PPP6R3: variants seen among roughly 807,000 people sequenced by gnomAD.
The protein encoded by PPP6R3 is protein phosphatase 6 regulatory subunit 3.
PPP6R3 carries 38 observed loss-of-function variants against 110.7 expected under a neutral mutation model. The observed-to-expected ratio is 0.34, with a 90% confidence interval of 0.26 to 0.45. The LOEUF is 0.45. Ranked by LOEUF, PPP6R3 falls within the 20% of genes least tolerant of loss-of-function variation. PPP6R3 has a pLI of 1.00. For synonymous variants in PPP6R3, 369 were observed against 373.5 expected (o/e 0.99, Z 0.14); for missense variants, 870 against 1,062.4 (o/e 0.82, Z 2.52).
In PPP6R3 at chr11:68,537,886, A is replaced by T. The variant is rs368993107; in HGVS notation, c.222A>T (p.Arg74Ser). 6.2e-5 allele frequency: 99 copies of T among 1,603,158 alleles called. No individual in the cohort carries two copies. The highest frequency in any genetic ancestry group is 7.5e-5 in the Non-Finnish European group (88 of 1,170,596). ...CTCAAGACATGGATGAAAAGATCAG[A>T]TACAAGTAAGACAATTCAATCTTCT... ...EPPQDMDEKI[R>S]YKYPNISCEL... Residue 74 changes from arginine to serine, a missense_variant, in exon 3 of 24, where the codon AGA becomes AGT. Arg to Ser is a moderately radical substitution (Grantham distance 110). Coordinates refer to ENST00000393800, the MANE Select transcript of PPP6R3 (RefSeq NM_001164161.2).
Position 68,596,100 on chromosome 11 carries a change from G to C in PPP6R3, c.1920G>C (p.Ser640=), listed in dbSNP as rs188470362. 2 of 1,614,124 alleles carry C rather than the reference G, an allele frequency of 1.2e-6. No individual in the cohort carries two copies. Among genetic ancestry groups the C allele is most frequent in the South Asian group, 2.2e-5 (2 of 91,076 alleles). ...FTPESQRRSS[S]GSTDSEESTD... ...CTTGGGTCTTGTTTTTCCTTAGCTC[G>C]GGGAGTACAGACAGTGAGGAAAGTA... The change falls in exon 19 of 24, where the codon TCG becomes TCC. Residue 640 remains serine (S), a synonymous_variant. Transcript: ENST00000393800.
intron 1 of PPP6R3, among the ~76,000 whole-genome samples, chr11:68,478,428 A>G (rs1253482851): frequency 6.6e-6 from 1 of 152,128 alleles, no homozygotes; most frequent in Non-Finnish European, 1.5e-5. Context: ...CCACTAAAGT[A>G]TATATATAGG....
At chr11:68,589,853 C>T (rs1285244095) in intron 16 of PPP6R3, among the ~76,000 whole-genome samples, 3 of 152,198 alleles carry the variant, frequency 2.0e-5, no homozygotes, top group Non-Finnish European at 4.4e-5. Context: ...CTGTAAACAG[C>T]AAGAGTTGAA....
intron 1 of PPP6R3, among the ~76,000 whole-genome samples, chr11:68,503,866 G>C (rs1408101967): frequency 6.6e-6 from 1 of 152,202 alleles, no homozygotes; most frequent in Non-Finnish European, 1.5e-5. Context: ...AGTATAAATG[G>C]TTCTTCAATA....
chr11:68,533,336 A>G (rs1283421011), intron 2 of PPP6R3, among the ~76,000 whole-genome samples: 1 of 152,180 alleles, frequency 6.6e-6, no homozygotes, highest in Non-Finnish European at 1.5e-5. Flanking sequence ...TATGTCCAAT[A>G]CAAAGAAAAC....
intron 6 of PPP6R3, among the ~76,000 whole-genome samples, chr11:68,551,897 T>C (rs544372300): frequency 5.3e-5 from 8 of 152,344 alleles, no homozygotes; most frequent in African/African-American, 1.4e-4. Flanking sequence ...TTGGTCACCA[T>C]TGAGCCCCTA....
At chr11:68,554,708 G>A (rs941782751) in intron 7 of PPP6R3, among the ~76,000 whole-genome samples, 2 of 152,172 alleles carry the variant, frequency 1.3e-5, no homozygotes, top group African/African-American at 4.8e-5. Flanking sequence ...GCTTGGGGAT[G>A]GGGTGCTGTT....
chr11:68,503,552 C>T lies in PPP6R3; in HGVS notation c.-157-15949C>T, dbSNP rs116886458. On this transcript the variant is annotated intron_variant, in intron 1 of 23. Coordinates refer to ENST00000393800, the MANE Select transcript of PPP6R3 (RefSeq NM_001164161.2). ...AGTGTGTGACATCAGAGAAGCCAGGCGAGGAGAATGTTCTAATGAGGAGCG... is the reference window on the plus strand; with the variant it reads ...AGTGTGTGACATCAGAGAAGCCAGGTGAGGAGAATGTTCTAATGAGGAGCG... Among the ~76,000 whole-genome samples the T allele has an allele frequency of 5.9e-5, 9 of 152,204 alleles. No individual in the cohort carries two copies. In the East Asian group the frequency reaches 1.3e-3, roughly 23 times the overall value.
intron 15 of PPP6R3, among the ~76,000 whole-genome samples, chr11:68,583,774 G>A (rs530335194): frequency 6.6e-6 from 1 of 152,330 alleles, no homozygotes; most frequent in African/African-American, 2.4e-5. Context: ...GTGAAAAACA[G>A]AAGCCCTTTT....
At chr11:68,518,730 T>C (rs545948821) in intron 1 of PPP6R3, among the ~76,000 whole-genome samples, 2 of 152,360 alleles carry the variant, frequency 1.3e-5, no homozygotes, top group East Asian at 3.9e-4. Flanking sequence ...ACATTATTTA[T>C]TATCTTACTT....
intron 7 of PPP6R3, among the ~76,000 whole-genome samples, chr11:68,556,216 A>G (rs1195909727): frequency 6.6e-6 from 1 of 152,210 alleles, no homozygotes; most frequent in Non-Finnish European, 1.5e-5. Flanking sequence ...ACATGCATAA[A>G]TGTTAAGCAC....
chr11:68,537,810 TAAA>T lies in PPP6R3; in HGVS notation c.148_150del (p.Lys50del). 2.5e-6 allele frequency: 4 copies of T among 1,614,100 alleles called. No homozygotes were observed. Among genetic ancestry groups the T allele is most frequent in the Non-Finnish European group, 3.4e-6 (4 of 1,179,950 alleles). ...AACCGCAAACTTATAGAGTTTCTGTTAAAAGCAGAATGTCTCGAAGATTTAGTC... is the reference window on the plus strand; with the variant it reads ...AACCGCAAACTTATAGAGTTTCTGTTAGCAGAATGTCTCGAAGATTTAGTC... On this transcript the variant is annotated inframe_deletion, in exon 3 of 24. Transcript: ENST00000393800.
Position 68,603,508 on chromosome 11 carries a change from AT to A in PPP6R3, c.2450+17del. On this transcript the variant is annotated intron_variant, in intron 22 of 23. Coordinates refer to ENST00000393800, the MANE Select transcript of PPP6R3 (RefSeq NM_001164161.2). ...TCTTCAAAAGGTAACCAGGGGTGAG[AT>A]CCTGCTGGTAGCTTCAGGTTATTGG... is the stretch of plus-strand genomic sequence containing the variant. 1 of 1,614,002 alleles carries A rather than the reference AT, an allele frequency of 6.2e-7. No homozygotes were observed. Among genetic ancestry groups the A allele is most frequent in the Non-Finnish European group, 8.5e-7 (1 of 1,179,900 alleles).
At position 68,615,233 on chromosome 11, in the gene PPP6R3, CTG is replaced by C. The variant is rs760840944; in HGVS notation, c.*2122_*2123del. ...CTCATTTTGTTTCTACTTTTAATTTCTGTGTGTTGGCCATACTGAATTATGAG... is the reference window on the plus strand; with the variant it reads ...CTCATTTTGTTTCTACTTTTAATTTCTGTGTTGGCCATACTGAATTATGAG... On this transcript the variant is annotated 3_prime_UTR_variant, in exon 24 of 24. Transcript: ENST00000393800. 145 of 381,598 alleles carry C rather than the reference CTG, an allele frequency of 3.8e-4. No homozygotes were observed. The highest frequency in any genetic ancestry group is 6.7e-4 in the Non-Finnish European group (129 of 191,732). 23.6% of individuals were successfully genotyped at this position (381,598 alleles called of 1,614,324 possible).
Position 68,537,742 on chromosome 11 carries a change from G to A in PPP6R3, c.78G>A (p.Glu26=). The A allele has an allele frequency of 6.2e-7, 1 of 1,613,106 alleles. No homozygotes were observed. The highest frequency in any genetic ancestry group is 8.5e-7 in the Non-Finnish European group (1 of 1,179,074). ...LLEREDVTLK[E]LMDEEDVLQE... ...AAAGAGAAGATGTAACACTGAAGGAGTTAATGGATGAGGAAGATGTTTTAC... is the reference window on the plus strand; with the variant it reads ...AAAGAGAAGATGTAACACTGAAGGAATTAATGGATGAGGAAGATGTTTTAC... The change falls in exon 3 of 24, where the codon GAG becomes GAA. Residue 26 remains glutamate, a synonymous_variant. Coordinates refer to ENST00000393800, the MANE Select transcript of PPP6R3 (RefSeq NM_001164161.2).
intron 4 of PPP6R3, among the ~76,000 whole-genome samples, chr11:68,546,125 T>G (rs1026934421): frequency 1.3e-5 from 2 of 152,262 alleles, no homozygotes; most frequent in Non-Finnish European, 2.9e-5. Context: ...TTTCACTTAA[T>G]GGAGTAGGAT....
chr11:68,515,884 T>G (rs1034522099), intron 1 of PPP6R3, among the ~76,000 whole-genome samples: 22 of 152,204 alleles, frequency 1.4e-4, no homozygotes, highest in African/African-American at 5.3e-4. Context: ...CCATTATCAT[T>G]TTTTTATTGT....
At chr11:68,545,953 C>A (rs1241265032) in intron 4 of PPP6R3, among the ~76,000 whole-genome samples, 1 of 152,176 alleles carries the variant, frequency 6.6e-6, no homozygotes, top group African/African-American at 2.4e-5. Flanking sequence ...GTGGTCAAAC[C>A]AGTTGGTCCT....
intron 1 of PPP6R3, among the ~76,000 whole-genome samples, chr11:68,506,095 G>T (rs1243398683): frequency 3.4e-5 from 5 of 148,816 alleles, no homozygotes; most frequent in African/African-American, 1.2e-4. Flanking sequence ...TATTAGGTTG[G>T]TGCAAAAGTA....
Sources: gnomAD v4.1 joint callset for allele counts (sites outside exome capture counted in the v4.1 genomes callset) on GRCh38, gnomAD v4.1.1 for gene constraint, MANE v1.5 for transcripts, NCBI Gene and HGNC (gene_info 2026-07-23, HGNC 2026-07-21) for gene names.